Variants in PPP4R1 observed in about 807,000 individuals in gnomAD.
PPP4R1 encodes the protein protein phosphatase 4 regulatory subunit 1, also known as serine/threonine-protein phosphatase 4 regulatory subunit 1.
Under a neutral mutation model 111.2 loss-of-function variants are expected in PPP4R1, and 42 were observed. That is an observed-to-expected ratio of 0.38 (90% CI 0.29 to 0.49). The LOEUF is 0.49. Ranked by LOEUF, PPP4R1 falls within the 20% of genes least tolerant of loss-of-function variation. PPP4R1 has a pLI of 0.97. For missense variants in PPP4R1, 1,012 were observed against 1,161.6 expected (o/e 0.87, Z 1.87); for synonymous variants, 409 against 405.5 (o/e 1.01, Z -0.10).
At chr18:9,592,721 C>G (rs2067233152) in intron 4 of PPP4R1, among the ~76,000 whole-genome samples, 1 of 148,576 alleles carries the variant, frequency 6.7e-6, no homozygotes, top group Non-Finnish European at 1.5e-5. Flanking sequence ...AAGGAAAACA[C>G]AAATCTATCC....
chr18:9,570,620 G>A lies in PPP4R1; in HGVS notation c.1110C>T (p.Leu370=). ...GTATGACACTGGAATTACTAACACT[G>A]AGATCTGAAGGAGTATCCTCTGGCC... ...QVRPEDTPSD[L]SVSNSSVILE... is the part of the protein sequence containing the mutation. The change falls in exon 11 of 20, where the codon CTC becomes CTT. Residue 370 remains leucine (L), a synonymous_variant. Coordinates refer to ENST00000400556, the MANE Select transcript of PPP4R1 (RefSeq NM_001042388.3). 1 of 1,613,624 alleles carries A rather than the reference G, an allele frequency of 6.2e-7. No homozygotes were observed. The highest frequency in any genetic ancestry group is 8.5e-7 in the Non-Finnish European group (1 of 1,179,866).
intron 15 of PPP4R1, among the ~76,000 whole-genome samples, chr18:9,554,885 A>T (rs1409671966): frequency 6.6e-6 from 1 of 152,252 alleles, no homozygotes; most frequent in Non-Finnish European, 1.5e-5. Flanking sequence ...AAATGACAGA[A>T]ATGGATTCCA....
chr18:9,583,307 G>C, intron 8 of PPP4R1, 32 bp from the exon 9 acceptor site: 1 of 1,472,672 alleles, frequency 6.8e-7, no homozygotes, highest in Non-Finnish European at 9.2e-7. Context: ...TTGTTAGTTG[G>C]ATAAAGATAG....
chr18:9,604,000 G>A (rs1391646851), intron 2 of PPP4R1, among the ~76,000 whole-genome samples: 1 of 152,042 alleles, frequency 6.6e-6, no homozygotes, highest in Admixed American at 6.6e-5. Context: ...ATATTTGTGA[G>A]TCTTAAAAAA....
chr18:9,608,261 A>T (rs1259425486), intron 2 of PPP4R1, among the ~76,000 whole-genome samples: 1 of 152,344 alleles, frequency 6.6e-6, no homozygotes, highest in Non-Finnish European at 1.5e-5. Context: ...AAGCTGAGAA[A>T]AAGTTAACTT....
intron 2 of PPP4R1, among the ~76,000 whole-genome samples, chr18:9,596,189 T>C (rs1386805542): frequency 6.6e-6 from 1 of 152,228 alleles, no homozygotes; most frequent in African/African-American, 2.4e-5. Flanking sequence ...CACATGGTTA[T>C]ATAATGAAAG....
intron 14 of PPP4R1, among the ~76,000 whole-genome samples, chr18:9,557,704 G>A (rs574336751): frequency 6.6e-6 from 1 of 152,098 alleles, no homozygotes; most frequent in Non-Finnish European, 1.5e-5. Context: ...TTACTCCTAA[G>A]CTCTTCCATA....
chr18:9,556,766 GGT>G (rs1399285210), intron 15 of PPP4R1, among the ~76,000 whole-genome samples: 1 of 152,094 alleles, frequency 6.6e-6, no homozygotes, highest in African/African-American at 2.4e-5. Context: ...GAACTGCATG[GGT>G]CCACTTATAC....
At chr18:9,608,707 A>C (rs2067526580) in intron 2 of PPP4R1, among the ~76,000 whole-genome samples, 2 of 152,344 alleles carry the variant, frequency 1.3e-5, no homozygotes, top group Admixed American at 6.5e-5. Context: ...AAAAACAACA[A>C]CACAACTCTA....
At chr18:9,565,912 C>CA (rs200162336) in intron 11 of PPP4R1, among the ~76,000 whole-genome samples, 2 of 151,664 alleles carry the variant, frequency 1.3e-5, no homozygotes, top group African/African-American at 2.4e-5. Flanking sequence ...CACCAAACAA[C>CA]AAATTTTTTT....
intron 4 of PPP4R1, 24 bp from the exon 5 acceptor site, chr18:9,588,877 G>C (rs2067165036): frequency 6.2e-7 from 1 of 1,608,932 alleles, no homozygotes; most frequent in South Asian, 1.1e-5. Context: ...GGCAATGTGA[G>C]CAAACATGTT....
rs967169633 is a variant in PPP4R1 at position 9,568,572 on chromosome 18, TG to T, written c.1573+1584del. Among the ~76,000 whole-genome samples, 70 of 152,350 alleles carry T rather than the reference TG, an allele frequency of 4.6e-4. 1 individual carries two copies. The highest frequency in any genetic ancestry group is 1.5e-3 in the African/African-American group (61 of 41,580). On this transcript the variant is annotated intron_variant, in intron 11 of 19. Transcript: ENST00000400556. ...AGAAAGCAATCTATGCATATTTCTTTGCATTTATTTGCTGAAAGAAAAACTT... is the reference window on the plus strand; with the variant it reads ...AGAAAGCAATCTATGCATATTTCTTTCATTTATTTGCTGAAAGAAAAACTT...
chr18:9,608,315 C>T (rs1335496073), intron 2 of PPP4R1, among the ~76,000 whole-genome samples: 2 of 152,188 alleles, frequency 1.3e-5, no homozygotes, highest in Non-Finnish European at 2.9e-5. Context: ...AGAATATTAA[C>T]TCAGGTCTAA....
intron 15 of PPP4R1, among the ~76,000 whole-genome samples, chr18:9,555,027 C>G (rs2066548638): frequency 6.6e-6 from 1 of 152,216 alleles, no homozygotes; most frequent in Non-Finnish European, 1.5e-5. Context: ...AATGGCCCAG[C>G]ATAGTGGCTC....
chr18:9,614,317 C>T lies in PPP4R1; in HGVS notation c.8-47G>A. ...AAGGCCCGGTCAGCGCCCCGGGGCC[C>T]GGCGCGACGCCCCCCCCCCGCCCGC... is the stretch of plus-strand genomic sequence containing the variant. On this transcript the variant is annotated intron_variant, in intron 1 of 19. Transcript: ENST00000400556. This position sits in a 1 kb window ranked among gnomAD's most constrained non-coding sequence, Gnocchi z 4.1. 5 of 1,166,114 alleles carry T rather than the reference C, an allele frequency of 4.3e-6. No individual in the cohort carries two copies. Among genetic ancestry groups the T allele is most frequent in the Non-Finnish European group, 5.3e-6 (5 of 934,880 alleles). The allele number at this position is 1,166,114 out of a possible 1,614,324, so 72.2% of individuals were successfully genotyped here.
chr18:9,557,414 C>A, intron 14 of PPP4R1, 32 bp from the exon 15 acceptor site: 1 of 1,557,164 alleles, frequency 6.4e-7, no homozygotes, highest in Non-Finnish European at 8.7e-7. Context: ...AGTAAGCTAA[C>A]CACAAAGTAC....
At chr18:9,570,724 G>A (rs750654263) in intron 10 of PPP4R1, 41 bp from the exon 11 acceptor site, 11 of 1,481,062 alleles carry the variant, frequency 7.4e-6, no homozygotes, top group Non-Finnish European at 3.6e-6. Context: ...CAATATGAAA[G>A]GATAATTACT....
chr18:9,614,855 C>T (rs1316981579), upstream of PPP4R1: 4 of 150,102 alleles, frequency 2.7e-5, no homozygotes, highest in African/African-American at 9.7e-5. The surrounding 1 kb of genome is among the most constrained non-coding windows in gnomAD (Gnocchi z 4.1). Flanking sequence ...CAACCTGCCG[C>T]CGGCCGGGAC....
intron 13 of PPP4R1, among the ~76,000 whole-genome samples, chr18:9,560,189 A>G (rs1038078109): frequency 6.6e-6 from 1 of 152,058 alleles, no homozygotes; most frequent in Non-Finnish European, 1.5e-5. Context: ...CTGAGGTGGG[A>G]TGATCACTTG....
Sources: gnomAD v4.1 joint callset for allele counts (sites outside exome capture counted in the v4.1 genomes callset) on GRCh38, gnomAD v4.1.1 for gene constraint, Gnocchi (gnomAD v3.1) non-coding constraint, MANE v1.5 for transcripts, NCBI Gene and HGNC (gene_info 2026-07-23, HGNC 2026-07-21) for gene names.